Variants in AAGAB observed in about 807,000 individuals in gnomAD.
AAGAB encodes the protein alpha- and gamma-adaptin-binding protein p34.
AAGAB carries 38 observed loss-of-function variants against 44.1 expected under a neutral mutation model. That is an observed-to-expected ratio of 0.86 (90% CI 0.67 to 1.13). AAGAB has a LOEUF of 1.13. Ranked by LOEUF, AAGAB falls within the 50% of genes most tolerant of loss-of-function variation. AAGAB has a pLI of 0.00. For synonymous variants in AAGAB, 131 were observed against 131.8 expected, an observed-to-expected ratio of 0.99 and a Z score of 0.04; for missense variants, 450 against 373.8, an observed-to-expected ratio of 1.20 and a Z score of -1.68.
Position 67,200,956 on chromosome 15 carries a change from G to C in AAGAB, c.*1865C>G, listed in dbSNP as rs796392666. On this transcript the variant is annotated 3_prime_UTR_variant, in exon 10 of 10. Coordinates refer to ENST00000261880, the MANE Select transcript of AAGAB (RefSeq NM_024666.5). The stretch of plus-strand genomic sequence containing the variant: ...CACTATATATGTCTAATCCAATGAA[G>C]GATATAGGGCTTCCCTCACTCATAC... 6.6e-6 allele frequency: 1 copy of C among 152,260 alleles called. No homozygotes were observed. The highest frequency in any genetic ancestry group is 1.5e-5 in the Non-Finnish European group (1 of 68,048). 9.4% of individuals were successfully genotyped at this position (152,260 alleles called of 1,614,324 possible). A position where few individuals can be genotyped will look rare whatever the true frequency, so the allele number is the denominator to read the frequency against.
chr15:67,254,966 C>T, upstream of AAGAB: 1 of 1,609,192 alleles, frequency 6.2e-7, no homozygotes, highest in Non-Finnish European at 8.5e-7. Context: ...CGGGCTTCCC[C>T]CGGCCCTGCC....
chr15:67,220,838 C>T (rs941808287), intron 5 of AAGAB, among the ~76,000 whole-genome samples: 1 of 152,182 alleles, frequency 6.6e-6, no homozygotes, highest in Admixed American at 6.5e-5. Flanking sequence ...TGAGAATTCA[C>T]TGTAGGCTTT....
rs750998814 is a variant in AAGAB at position 67,236,078 on chromosome 15, T to C, written c.362-10A>G. The C allele has an allele frequency of 1.9e-6, 3 of 1,577,168 alleles. No homozygotes were observed. The African/African-American group carries it at 4.0e-5, about 21-fold the overall frequency. On this transcript the variant is annotated splice_polypyrimidine_tract_variant and intron_variant, in intron 3 of 9. Transcript: ENST00000261880. ...TTTTGTCGGTTTATACCTAAAATAA[T>C]ATGCAAAAGAATCTTCATAAGTAAA... is the stretch of plus-strand genomic sequence containing the variant.
At chr15:67,233,067 T>C (rs1016995416) in intron 4 of AAGAB, among the ~76,000 whole-genome samples, 2 of 150,756 alleles carry the variant, frequency 1.3e-5, no homozygotes, top group Non-Finnish European at 3.0e-5. Flanking sequence ...GTACTAGAGA[T>C]ACCAATCTAC....
At chr15:67,234,450 C>T (rs1964417119) in intron 4 of AAGAB, among the ~76,000 whole-genome samples, 1 of 151,940 alleles carries the variant, frequency 6.6e-6, no homozygotes, top group Non-Finnish European at 1.5e-5. Context: ...GAGCTAGTAC[C>T]AGTAAGAGGA....
At chr15:67,255,030 T>C, upstream of AAGAB, 2 of 1,363,650 alleles carry the variant, frequency 1.5e-6, no homozygotes, top group Non-Finnish European at 2.1e-6. Flanking sequence ...TCACCGACGC[T>C]CACCCATTTG....
At chr15:67,220,471 C>T (rs1964041735) in intron 5 of AAGAB, 1 of 152,182 alleles carries the variant, frequency 6.6e-6, no homozygotes, top group African/African-American at 2.4e-5. Context: ...TGTGGTCTCA[C>T]GTTGGCTACA....
At chr15:67,234,963 A>G (rs1964427487) in intron 4 of AAGAB, among the ~76,000 whole-genome samples, 1 of 152,268 alleles carries the variant, frequency 6.6e-6, no homozygotes, top group Admixed American at 6.5e-5. Flanking sequence ...AATTATAAAT[A>G]AAACCAGAAT....
At chr15:67,222,282 A>ACACAAACACACC (rs796412643) in intron 5 of AAGAB, among the ~76,000 whole-genome samples, 2 of 139,850 alleles carry the variant, frequency 1.4e-5, no homozygotes, top group Non-Finnish European at 3.1e-5. Flanking sequence ...ACACACACAC[A>ACACAAACACACC]CCCTCCACCC....
Position 67,222,282 on chromosome 15 carries a change from A to ACACACC in AAGAB, c.535+9531_535+9532insGGTGTG, listed in dbSNP as rs796412643. On this transcript the variant is annotated intron_variant, in intron 5 of 9. Coordinates refer to ENST00000261880, the MANE Select transcript of AAGAB (RefSeq NM_024666.5). ...CACACACACACACACACACACACAC[A>ACACACC]CCCTCCACCCATGCTGCCTGACTTT... Among the ~76,000 whole-genome samples the ACACACC allele has an allele frequency of 5.4e-3, 749 of 139,814 alleles. 11 individuals carry two copies. Among genetic ancestry groups the ACACACC allele is most frequent in the East Asian group, 0.022 (95 of 4,338 alleles). 91.7% of individuals were successfully genotyped at this position (139,814 alleles called of 152,430 possible). A position where few individuals can be genotyped will look rare whatever the true frequency, so the allele number is the denominator to read the frequency against.
At chr15:67,253,693 G>C (rs1209182098) in intron 1 of AAGAB, among the ~76,000 whole-genome samples, 1 of 151,854 alleles carries the variant, frequency 6.6e-6, no homozygotes, top group African/African-American at 2.4e-5. Context: ...GTTCGAGGCT[G>C]AAGTGAGCTA....
chr15:67,241,511 T>G (rs1200969315), intron 1 of AAGAB, among the ~76,000 whole-genome samples: 1 of 152,192 alleles, frequency 6.6e-6, no homozygotes, highest in Non-Finnish European at 1.5e-5. Context: ...TTCTTCTTTC[T>G]TCCCTTTGTG....
intron 5 of AAGAB, among the ~76,000 whole-genome samples, chr15:67,223,655 C>G (rs1253684107): frequency 6.6e-6 from 1 of 152,208 alleles, no homozygotes; most frequent in Non-Finnish European, 1.5e-5. Context: ...CATCTACTCT[C>G]CACAGAGCAG....
At chr15:67,255,136 C>T (rs1965093812), upstream of AAGAB, 17 of 626,326 alleles carry the variant, frequency 2.7e-5, no homozygotes, top group East Asian at 4.4e-4. Context: ...CGGTGACTTA[C>T]CCTGTAGGTT....
At chr15:67,248,836 A>G (rs745676328) in intron 1 of AAGAB, among the ~76,000 whole-genome samples, 1 of 152,166 alleles carries the variant, frequency 6.6e-6, no homozygotes, top group Non-Finnish European at 1.5e-5. Context: ...CCGGAGGGTT[A>G]TTTCTATGGG....
At chr15:67,213,107 T>A (rs1316938880) in intron 5 of AAGAB, among the ~76,000 whole-genome samples, 1 of 152,210 alleles carries the variant, frequency 6.6e-6, no homozygotes, top group Non-Finnish European at 1.5e-5. Flanking sequence ...TGTTAAGTGA[T>A]GTAAAATAAA....
At chr15:67,206,103 A>G (rs1963678706) in intron 7 of AAGAB, among the ~76,000 whole-genome samples, 1 of 152,180 alleles carries the variant, frequency 6.6e-6, no homozygotes, top group Non-Finnish European at 1.5e-5. Flanking sequence ...TTAGTTGTCA[A>G]ATCTCCTTAG....
At chr15:67,222,154 G>C (rs1022553452) in intron 5 of AAGAB, among the ~76,000 whole-genome samples, 4 of 151,376 alleles carry the variant, frequency 2.6e-5, no homozygotes, top group African/African-American at 9.7e-5. Context: ...ATATACTACT[G>C]AATCCCTTGC....
At chr15:67,213,723 A>G (rs1466827841) in intron 5 of AAGAB, among the ~76,000 whole-genome samples, 1 of 152,158 alleles carries the variant, frequency 6.6e-6, no homozygotes, top group African/African-American at 2.4e-5. Context: ...TTCTACATTT[A>G]CGCAGTAGGT....
Sources: gnomAD v4.1 joint callset for allele counts (sites outside exome capture counted in the v4.1 genomes callset) on GRCh38, gnomAD v4.1.1 for gene constraint, MANE v1.5 for transcripts, NCBI Gene and HGNC (gene_info 2026-07-23, HGNC 2026-07-21) for gene names.